LIMS2: variants seen among roughly 807,000 people sequenced by gnomAD.
LIMS2 encodes the protein LIM and senescent cell antigen-like-containing domain protein 2.
LIMS2 carries 30 observed loss-of-function variants against 45.3 expected under a neutral mutation model. That is an observed-to-expected ratio of 0.66 (90% CI 0.50 to 0.90). LIMS2 has a LOEUF of 0.90. Ranked by LOEUF, LIMS2 falls within the 40% of genes least tolerant of loss-of-function variation. LIMS2 has a pLI of 0.00. For missense variants in LIMS2, 485 were observed against 468.7 expected (o/e 1.03, Z -0.32); for synonymous variants, 173 against 188.0 (o/e 0.92, Z 0.65).
intron 1 of LIMS2, 88 bp from the exon 2 acceptor site, chr2:127,657,650 C>A: frequency 7.3e-7 from 1 of 1,362,092 alleles, no homozygotes; most frequent in Non-Finnish European, 1.0e-6. Flanking sequence ...ACAGACACAC[C>A]TCGTATTAAA....
intron 6 of LIMS2, 141 bp downstream of exon 6, chr2:127,641,908 C>T: frequency 2.0e-6 from 2 of 978,764 alleles, no homozygotes; most frequent in Non-Finnish European, 2.9e-6. Flanking sequence ...CAGGGAGGGG[C>T]AGTACCCCTG....
chr2:127,681,289 C>T (rs1327320218), intron 1 of LIMS2: 1 of 152,508 alleles, frequency 6.6e-6, no homozygotes, highest in Non-Finnish European at 1.5e-5. Context: ...AAGGACCTCC[C>T]GGGGCCCTGT....
In LIMS2 at chr2:127,647,676, G is replaced by A. The variant is rs111767333; in HGVS notation, c.360-4604C>T. ...CCCCCTCTCCTCTTCCAGTCTCCAG[G>A]GCCTCCCCGCACACACCTTCCTCCT... On this transcript the variant is annotated intron_variant, in intron 4 of 9. Coordinates refer to ENST00000355119, the MANE Select transcript of LIMS2 (RefSeq NM_001161403.3). The surrounding 1 kb of genome is among the most constrained non-coding windows in gnomAD (Gnocchi z 4.3). Among the ~76,000 whole-genome samples the A allele has an allele frequency of 0.015, 2,258 of 152,044 alleles. 58 individuals carry two copies. The highest frequency in any genetic ancestry group is 0.051 in the African/African-American group (2,132 of 41,432).
chr2:127,654,405 C>A lies in LIMS2; in HGVS notation c.359+19G>T. 1 of 1,613,826 alleles carries A rather than the reference C, an allele frequency of 6.2e-7. No homozygotes were observed. Among genetic ancestry groups the A allele is most frequent in the Non-Finnish European group, 8.5e-7 (1 of 1,179,928 alleles). ...AGGGCTGTGGCCCAGTCCTCTCTGG[C>A]CCAACACGGCCACCTCACCTGCCGG... is the stretch of plus-strand genomic sequence containing the variant. On this transcript the variant is annotated intron_variant, in intron 4 of 9. Coordinates refer to ENST00000355119, the MANE Select transcript of LIMS2 (RefSeq NM_001161403.3).
At chr2:127,640,040 G>C (rs1682247156) in intron 9 of LIMS2, 30 bp downstream of exon 9, 1 of 1,610,126 alleles carries the variant, frequency 6.2e-7, no homozygotes, top group Non-Finnish European at 8.5e-7. Flanking sequence ...CCTCCACCCT[G>C]AGCCCCATCC....
chr2:127,677,694 C>A (rs1685533803), upstream of LIMS2, among the ~76,000 whole-genome samples: 1 of 152,126 alleles, frequency 6.6e-6, no homozygotes, highest in Non-Finnish European at 1.5e-5. The surrounding 1 kb of genome is among the most constrained non-coding windows in gnomAD (Gnocchi z 5.0). Flanking sequence ...ATGGAGAGTT[C>A]TAAGCAAAGA....
intron 2 of LIMS2, among the ~76,000 whole-genome samples, chr2:127,656,415 C>CTT (rs61254122): frequency 8.2e-5 from 11 of 134,566 alleles, no homozygotes; most frequent in Admixed American, 3.0e-4. Flanking sequence ...TTTTTTCTTT[C>CTT]TTTTTTTTTT....
intron 4 of LIMS2, chr2:127,652,087 G>C (rs562242720): frequency 2.9e-6 from 1 of 342,452 alleles, no homozygotes; most frequent in South Asian, 6.0e-5. Flanking sequence ...CCTCCTTCCC[G>C]CTACAGAATC....
chr2:127,681,154 G>A (rs1043884850), intron 1 of LIMS2, among the ~76,000 whole-genome samples: 1 of 152,166 alleles, frequency 6.6e-6, no homozygotes, highest in South Asian at 2.1e-4. Flanking sequence ...AACCTTCACC[G>A]TCCCCATGCC....
chr2:127,657,022 C>T (rs1339828970), intron 2 of LIMS2, among the ~76,000 whole-genome samples: 1 of 152,218 alleles, frequency 6.6e-6, no homozygotes, highest in Admixed American at 6.5e-5. Flanking sequence ...TCCCTGAGCA[C>T]CACCGCACCC....
At chr2:127,658,361 G>A (rs147520868) in intron 1 of LIMS2, among the ~76,000 whole-genome samples, 13 of 152,264 alleles carry the variant, frequency 8.5e-5, no homozygotes, top group African/African-American at 3.1e-4. Context: ...CTCAGGCCTG[G>A]GCAACAGAGC....
chr2:127,662,153 C>G (rs892364669), intron 1 of LIMS2, among the ~76,000 whole-genome samples: 1 of 152,164 alleles, frequency 6.6e-6, no homozygotes. Flanking sequence ...CCCCGACGCC[C>G]CCTGTCTGTG....
rs1403258284 is a variant in LIMS2, at chr2:127,640,777, G to A, written c.753+119C>T. The stretch of plus-strand genomic sequence containing the variant: ...CCAGGAGCCAGGGCTGAGGGTGCAG[G>A]CCTGGGCTCAGCACCTGGCAGAGCT... On this transcript the variant is annotated intron_variant, in intron 7 of 9. Coordinates refer to ENST00000355119, the MANE Select transcript of LIMS2 (RefSeq NM_001161403.3). 41 of 871,698 alleles carry A rather than the reference G, an allele frequency of 4.7e-5. No homozygotes were observed. The Admixed American group carries it at 7.1e-4, about 15-fold the overall frequency. The allele number at this position is 871,698 out of a possible 1,614,324, so 54.0% of individuals were successfully genotyped here. A position where few individuals can be genotyped will look rare whatever the true frequency, so the allele number is the denominator to read the frequency against.
At chr2:127,649,924 G>A (rs2243805) in intron 4 of LIMS2, 487,732 of 1,074,540 alleles carry the variant, frequency 0.45, 116,908 homozygotes, top group African/African-American at 0.69. Flanking sequence ...CCCTGGTGGT[G>A]GATCTACTCT....
intron 1 of LIMS2, chr2:127,673,980 TGTG>T (rs1685396344): frequency 1.9e-6 from 1 of 527,166 alleles, no homozygotes. Context: ...GAAAGGGAAG[TGTG>T]TCTGGAGGGC....
At chr2:127,662,823 A>T (rs1684765082) in intron 1 of LIMS2, among the ~76,000 whole-genome samples, 1 of 152,288 alleles carries the variant, frequency 6.6e-6, no homozygotes. Flanking sequence ...AAAAATTAAC[A>T]TGCTGCCTGG....
At chr2:127,651,527 C>T (rs776323116) in intron 4 of LIMS2, 14 of 1,612,680 alleles carry the variant, frequency 8.7e-6, no homozygotes, top group Non-Finnish European at 1.2e-5. Context: ...ACTACCGCAG[C>T]CATGGGGCCT....
rs60810426 is a variant in LIMS2, at chr2:127,640,493, C to G, written c.754-175G>C. ...GGCACGGCAACCCATGAGAACCACC[C>G]TTCCGGGAAGGACAACAGGCTGGGG... On this transcript the variant is annotated intron_variant, in intron 7 of 9. Coordinates refer to ENST00000355119, the MANE Select transcript of LIMS2 (RefSeq NM_001161403.3). 550 of 677,776 alleles carry G rather than the reference C, an allele frequency of 8.1e-4. 1 individual carries two copies. In the African/African-American group the frequency reaches 8.3e-3, roughly 10 times the overall value. 42.0% of individuals were successfully genotyped at this position (677,776 alleles called of 1,614,324 possible). A position where few individuals can be genotyped will look rare whatever the true frequency, so the allele number is the denominator to read the frequency against.
Position 127,671,624 on chromosome 2 carries a change from G to A in LIMS2, c.11+3390C>T, listed in dbSNP as rs1685273320. 6.6e-6 allele frequency among the ~76,000 whole-genome samples: 1 copy of A among 152,228 alleles called. No individual in the cohort carries two copies. The highest frequency in any genetic ancestry group is 2.4e-5 in the African/African-American group (1 of 41,464). On this transcript the variant is annotated intron_variant, in intron 1 of 9. Transcript: ENST00000355119. This position sits in a 1 kb window ranked among gnomAD's most constrained non-coding sequence, Gnocchi z 4.1. ...AGCGTTAATGCCATGTTGGTGGCTT[G>A]AAATGAGCCCAGGTGGGGGTATCAC...
Sources: gnomAD v4.1 joint callset for allele counts (sites outside exome capture counted in the v4.1 genomes callset) on GRCh38, gnomAD v4.1.1 for gene constraint, Gnocchi (gnomAD v3.1) non-coding constraint, MANE v1.5 for transcripts, NCBI Gene and HGNC (gene_info 2026-07-23, HGNC 2026-07-21) for gene names.